Variants in GAB3 observed in about 807,000 individuals in gnomAD.
GAB3 encodes the protein GRB2-associated-binding protein 3.
GAB3 carries 12 observed loss-of-function variants against 40.4 expected under a neutral mutation model. The ratio of observed to expected loss-of-function variants is 0.30; its 90% CI spans 0.19 to 0.48. The LOEUF (loss-of-function observed/expected upper bound fraction) is 0.48. Ranked by LOEUF, GAB3 falls within the 20% of genes least tolerant of loss-of-function variation. The pLI is 0.99. For missense variants in GAB3, 381 were observed against 461.9 expected (o/e 0.82, Z 1.61); for synonymous variants, 154 against 176.7 (o/e 0.87, Z 1.02).
chrX:154,685,176 CA>C (rs2070430131), intron 8 of GAB3, among the ~76,000 whole-genome samples: 1 of 111,377 alleles, frequency 9.0e-6, no homozygotes, highest in Non-Finnish European at 1.9e-5. Context: ...TTACTTAATC[CA>C]ACTTTCAATT....
intron 4 of GAB3, among the ~76,000 whole-genome samples, chrX:154,710,438 AAG>A (rs782185914): frequency 4.7e-4 from 53 of 112,090 alleles, no homozygotes; most frequent in African/African-American, 1.7e-3. Flanking sequence ...GCACTGGTGC[AAG>A]CTGGACAAGT....
At chrX:154,693,286 T>C (rs1021147269) in intron 8 of GAB3, among the ~76,000 whole-genome samples, 4 of 111,761 alleles carry the variant, frequency 3.6e-5, no homozygotes, top group African/African-American at 1.3e-4. Flanking sequence ...AAAATATTTT[T>C]CAAAAACTGT....
intron 4 of GAB3, among the ~76,000 whole-genome samples, chrX:154,709,970 G>C (rs782443315): frequency 1.8e-5 from 2 of 111,967 alleles, no homozygotes; most frequent in Non-Finnish European, 3.8e-5. Flanking sequence ...TTGGTCAAAA[G>C]GTACAAACTT....
In GAB3 at chrX:154,717,278, A is replaced by AC. The variant is rs782125443; in HGVS notation, c.73-950dup. On this transcript the variant is annotated intron_variant, in intron 1 of 9. Transcript: ENST00000424127. ...AAAGATGGGAGACTCTTAAGCATTC[A>AC]CCCCCTAAGTCACAGTGTTTTTCAA... Among the ~76,000 whole-genome samples, 25 of 110,690 alleles carry AC rather than the reference A, an allele frequency of 2.3e-4. 1 individual carries two copies. Among genetic ancestry groups the AC allele is most frequent in the Admixed American group, 2.1e-3 (22 of 10,459 alleles).
At chrX:154,722,539 T>C (rs1050978310) in intron 1 of GAB3, among the ~76,000 whole-genome samples, 2 of 112,144 alleles carry the variant, frequency 1.8e-5, no homozygotes, top group Admixed American at 1.9e-4. Flanking sequence ...TTACTATCCA[T>C]TGGTATCCTA....
intron 4 of GAB3, among the ~76,000 whole-genome samples, chrX:154,710,309 CTAGAA>C (rs1557255444): frequency 9.0e-6 from 1 of 111,602 alleles, no homozygotes; most frequent in African/African-American, 3.3e-5. Flanking sequence ...ATATGTGTGT[CTAGAA>C]CCTGACCAGC....
rs59885867 is a variant in GAB3 at position 154,713,742 on chromosome X, CATATATATATATATATATATATATATAT to C, written c.377-344_377-317del. Among the ~76,000 whole-genome samples, 69 of 19,661 alleles carry C rather than the reference CATATATATATATATATATATATATATAT, an allele frequency of 3.5e-3. 1 individual carries two copies. The highest frequency in any genetic ancestry group is 0.017 in the East Asian group (4 of 236). The allele number at this position is 19,661 out of a possible 115,157, so 17.1% of individuals were successfully genotyped here. Reference sequence around the variant, plus strand: ...ATTGTTTTTTCACTCAACTAACAAACATATATATATATATATATATATATATATATATATATATATATATGCATAACAA... The same window carrying C: ...ATTGTTTTTTCACTCAACTAACAAACATATATATATATATATGCATAACAA... On this transcript the variant is annotated intron_variant, in intron 2 of 9. Transcript: ENST00000424127.
At chrX:154,687,333 T>TA (rs1308613477) in intron 8 of GAB3, among the ~76,000 whole-genome samples, 13 of 103,238 alleles carry the variant, frequency 1.3e-4, no homozygotes, top group African/African-American at 3.6e-4. Context: ...CAATTCCAAC[T>TA]AAAAAAAAAA....
intron 1 of GAB3, among the ~76,000 whole-genome samples, chrX:154,729,644 T>C (rs1355515948): frequency 2.7e-5 from 3 of 112,018 alleles, no homozygotes; most frequent in Non-Finnish European, 5.6e-5. Context: ...TAGCAGATAA[T>C]ACTATTGTGT....
In GAB3 at chrX:154,713,213, T is replaced by C; in HGVS notation, c.590A>G (p.His197Arg). Residue 197 changes from histidine to arginine, a missense_variant, in exon 3 of 10, where the codon CAT becomes CGT. This residue lies in a region of GAB3 where 364 missense variants were observed against 421.0 expected (regional missense o/e 0.86). Coordinates refer to ENST00000424127, the MANE Select transcript of GAB3 (RefSeq NM_001081573.3). The part of the protein sequence containing the change: ...LSNCETGRLH[H>R]TSLPTRCDSW... Reference sequence around the variant, plus strand: ...GTCCTGGGCATAAGCATACCTGGTATGGTGCAGTCTTCCAGTCTCGCAGTT... The same window carrying C: ...GTCCTGGGCATAAGCATACCTGGTACGGTGCAGTCTTCCAGTCTCGCAGTT... 4.1e-6 allele frequency: 5 copies of C among 1,205,427 alleles called. No homozygotes were observed. Among genetic ancestry groups the C allele is most frequent in the Non-Finnish European group, 5.6e-6 (5 of 890,047 alleles).
chrX:154,681,092 A>G (rs1349601881), intron 8 of GAB3, among the ~76,000 whole-genome samples: 3 of 112,175 alleles, frequency 2.7e-5, no homozygotes, highest in Non-Finnish European at 5.6e-5. Context: ...CACCTGTGGG[A>G]GAAATTCTAG....
At chrX:154,747,289 G>A (rs113281920) in intron 1 of GAB3, among the ~76,000 whole-genome samples, 1,374 of 112,257 alleles carry the variant, frequency 0.012, 27 homozygotes, top group African/African-American at 0.042. Flanking sequence ...GATTATAGGC[G>A]TGAGCCACTG....
At chrX:154,688,427 G>A (rs1355504971) in intron 8 of GAB3, among the ~76,000 whole-genome samples, 1 of 109,598 alleles carries the variant, frequency 9.1e-6, no homozygotes. Context: ...CTACAGGCAC[G>A]TGCTACCAAG....
At chrX:154,731,361 G>A (rs984503216) in intron 1 of GAB3, among the ~76,000 whole-genome samples, 2 of 111,911 alleles carry the variant, frequency 1.8e-5, no homozygotes, top group African/African-American at 6.5e-5. Flanking sequence ...ATCAAGGAAG[G>A]TGCAATATAG....
chrX:154,709,301 C>G (rs986149355), intron 4 of GAB3, among the ~76,000 whole-genome samples: 14 of 98,708 alleles, frequency 1.4e-4, no homozygotes, highest in South Asian at 5.3e-4. Context: ...ATAAATTACC[C>G]AAATTACCCA....
At position 154,716,333 on chromosome X, in the gene GAB3, C is replaced by A. The variant is rs1557257658; in HGVS notation, c.73-4G>T. Reference sequence around the variant, plus strand: ...CAAACCAGCGCTTGCGCCAGGCCTGCAGAAAGGCAATTCAATAAGGAGTTA... The same window carrying A: ...CAAACCAGCGCTTGCGCCAGGCCTGAAGAAAGGCAATTCAATAAGGAGTTA... On this transcript the variant is annotated splice_polypyrimidine_tract_variant and splice_region_variant and intron_variant, in intron 1 of 9. Transcript: ENST00000424127. 4 of 1,201,040 alleles carry A rather than the reference C, an allele frequency of 3.3e-6. No individual in the cohort carries two copies. In the South Asian group the frequency reaches 7.2e-5, roughly 22 times the overall value.
At chrX:154,738,715 T>C (rs2071397273) in intron 1 of GAB3, among the ~76,000 whole-genome samples, 1 of 112,143 alleles carries the variant, frequency 8.9e-6, no homozygotes, top group South Asian at 3.7e-4. Flanking sequence ...CTCTAAAATA[T>C]TCTCATATTT....
chrX:154,751,434 C>A, upstream of GAB3: 1 of 620,730 alleles, frequency 1.6e-6, no homozygotes, highest in Non-Finnish European at 1.9e-6. Flanking sequence ...CAATCCGCCA[C>A]GCCAAACGGG....
intron 1 of GAB3, among the ~76,000 whole-genome samples, chrX:154,743,059 C>A (rs1457050317): frequency 1.9e-5 from 2 of 105,974 alleles, no homozygotes; most frequent in Non-Finnish European, 3.9e-5. Flanking sequence ...TCTTTAAAAA[C>A]CACTGAAATC....
Sources: gnomAD v4.1 joint callset for allele counts (sites outside exome capture counted in the v4.1 genomes callset) on GRCh38, gnomAD v4.1.1 for gene constraint, gnomAD v4.1.1 regional missense constraint, MANE v1.5 for transcripts, NCBI Gene and HGNC (gene_info 2026-07-23, HGNC 2026-07-21) for gene names.